Variants in MTMR10 observed in about 807,000 individuals in gnomAD.
The protein encoded by MTMR10 is myotubularin related protein 10.
Under a neutral mutation model 88.1 loss-of-function variants are expected in MTMR10, and 56 were observed. The ratio of observed to expected loss-of-function variants is 0.64; its 90% CI spans 0.51 to 0.79. MTMR10 has a LOEUF of 0.79. Ranked by LOEUF, MTMR10 falls within the 30% of genes least tolerant of loss-of-function variation. MTMR10 has a pLI of 0.00. For missense variants in MTMR10, 883 were observed against 924.7 expected (o/e 0.95, Z 0.58); for synonymous variants, 380 against 340.9 (o/e 1.11, Z -1.26).
At position 30,941,870 on chromosome 15, in the gene MTMR10, A is replaced by G. The variant is rs570094947; in HGVS notation, c.1934T>C (p.Ile645Thr). The change falls in exon 16 of 16, where the codon ATT becomes ACT. Residue 645 changes from isoleucine to threonine, a missense_variant. Ile to Thr is a moderately conservative substitution (Grantham distance 89, BLOSUM62 -1). Transcript: ENST00000435680. ...FSKPANLHGV[I>T]LPRVSGTHIK... The stretch of plus-strand genomic sequence containing the variant: ...GTGTGTTCCAGAGACACGTGGCAGA[A>G]TAACACCGTGCAGGTTGGCGGGTTT... 5.6e-6 allele frequency: 9 copies of G among 1,614,080 alleles called. 1 individual carries two copies. The highest frequency in any genetic ancestry group is 5.3e-5 in the African/African-American group (4 of 75,064).
intron 2 of MTMR10, among the ~76,000 whole-genome samples, chr15:30,980,800 A>T (rs910632400): frequency 6.6e-6 from 1 of 152,234 alleles, no homozygotes; most frequent in Non-Finnish European, 1.5e-5. Flanking sequence ...AAGATGAAAT[A>T]ACTCTCAATG....
At chr15:30,951,936 G>A in intron 12 of MTMR10, 32 bp downstream of exon 12, 1 of 1,578,350 alleles carries the variant, frequency 6.3e-7, no homozygotes, top group Non-Finnish European at 8.7e-7. Context: ...TGGTATGGTG[G>A]TCATGGTGCT....
chr15:30,929,542 C>A, the MTMR10 span: 127,872 of 201,880 alleles, frequency 0.63, 41,199 homozygotes, highest in East Asian at 0.98. Context: ...TAGTATATAT[C>A]ATATATAAAA....
intron 3 of MTMR10, among the ~76,000 whole-genome samples, chr15:30,975,428 T>A (rs2030047926): frequency 6.6e-6 from 1 of 151,786 alleles, no homozygotes; most frequent in South Asian, 2.1e-4. Flanking sequence ...AGGTTTTGCA[T>A]GTTCAAACTA....
At chr15:30,926,794 G>GC in the MTMR10 span, 6 of 985,288 alleles carry the variant, frequency 6.1e-6, no homozygotes, top group Admixed American at 3.1e-4. Flanking sequence ...TTTCAGTTGA[G>GC]CCATGAGCCT....
At chr15:30,937,386 G>C (rs2062885880), downstream of MTMR10, 1 of 829,064 alleles carries the variant, frequency 1.2e-6, no homozygotes, top group South Asian at 1.9e-5. Flanking sequence ...TACAGTGTCT[G>C]CATATCACAA....
At chr15:30,934,832 A>T (rs1446480978), downstream of MTMR10, among the ~76,000 whole-genome samples, 2 of 152,216 alleles carry the variant, frequency 1.3e-5, no homozygotes, top group African/African-American at 4.8e-5. Flanking sequence ...ACCTTTCAAT[A>T]ATATATATCT....
At chr15:30,971,142 C>T (rs1398253470) in intron 5 of MTMR10, among the ~76,000 whole-genome samples, 1 of 152,082 alleles carries the variant, frequency 6.6e-6, no homozygotes, top group East Asian at 1.9e-4. Context: ...AGTCCAAATT[C>T]CTACCTTTCA....
intron 5 of MTMR10, among the ~76,000 whole-genome samples, chr15:30,973,510 G>T (rs898478006): frequency 6.6e-6 from 1 of 152,072 alleles, no homozygotes; most frequent in Non-Finnish European, 1.5e-5. Context: ...GACTAACCAT[G>T]GAAAACAAAG....
At chr15:30,928,702 C>A in the MTMR10 span, 2 of 1,611,508 alleles carry the variant, frequency 1.2e-6, no homozygotes, top group Non-Finnish European at 1.7e-6. Context: ...CTGCACACAT[C>A]CGTGGCTCAC....
intron 14 of MTMR10, chr15:30,944,087 C>G (rs931652474): frequency 1.4e-5 from 13 of 899,732 alleles, no homozygotes; most frequent in Middle Eastern, 1.1e-3. Flanking sequence ...GTTATTAGGA[C>G]AAGAATATAG....
intron 14 of MTMR10, among the ~76,000 whole-genome samples, chr15:30,945,549 A>AGTGT (rs1555406819): frequency 6.6e-6 from 1 of 151,470 alleles, no homozygotes; most frequent in African/African-American, 2.4e-5. Flanking sequence ...GCAGGCTCAC[A>AGTGT]CTGTGTGCGC....
At chr15:30,929,594 T>TATATTAC in the MTMR10 span, among the ~76,000 whole-genome samples, 1 of 129,754 alleles carries the variant, frequency 7.7e-6, no homozygotes, top group Non-Finnish European at 1.6e-5. Context: ...TTATATATTA[T>TATATTAC]ATATTACATA....
chr15:30,925,099 C>G, the MTMR10 span: 9 of 1,586,488 alleles, frequency 5.7e-6, no homozygotes, highest in Non-Finnish European at 7.7e-6. Flanking sequence ...TTTTTAGGAG[C>G]CTGATGTGTG....
rs1451687389 is a variant in MTMR10, at chr15:30,977,062, A to G, written c.122-107T>C. 3 of 1,044,394 alleles carry G rather than the reference A, an allele frequency of 2.9e-6. No individual in the cohort carries two copies. In the Admixed American group the frequency reaches 7.5e-5, roughly 26 times the overall value. The allele number at this position is 1,044,394 out of a possible 1,614,324, so 64.7% of individuals were successfully genotyped here. ...TGAGGGCAAGGATGAGGATAGTGAA[A>G]ACATTCACCAATTGCCCACCAGGTG... On this transcript the variant is annotated intron_variant, in intron 2 of 15. Transcript: ENST00000435680.
the MTMR10 span, chr15:30,927,990 A>C: frequency 4.1e-6 from 4 of 985,720 alleles, no homozygotes; most frequent in East Asian, 4.5e-4. Context: ...TGTCTCTGTA[A>C]AAGCCTTGAC....
At chr15:30,928,251 C>T in the MTMR10 span, 3 of 1,129,174 alleles carry the variant, frequency 2.7e-6, no homozygotes, top group South Asian at 9.3e-5. Flanking sequence ...TTCTTTTAAA[C>T]ATGTTTCTTA....
chr15:30,929,660 ATG>A, the MTMR10 span, among the ~76,000 whole-genome samples: 7 of 72,214 alleles, frequency 9.7e-5, no homozygotes, highest in African/African-American at 3.3e-4. Context: ...AATATAATAT[ATG>A]AAATATATAA....
At chr15:30,955,363 C>T (rs181975392) in intron 9 of MTMR10, among the ~76,000 whole-genome samples, 66 of 152,330 alleles carry the variant, frequency 4.3e-4, no homozygotes, top group South Asian at 6.2e-4. Context: ...CTCCCCCTCC[C>T]GGGTTCAAGC....
Sources: gnomAD v4.1 joint callset for allele counts (sites outside exome capture counted in the v4.1 genomes callset) on GRCh38, gnomAD v4.1.1 for gene constraint, MANE v1.5 for transcripts, NCBI Gene and HGNC (gene_info 2026-07-23, HGNC 2026-07-21) for gene names.